XKR4: variants seen among roughly 807,000 people sequenced by gnomAD.
XKR4 encodes the protein XK related 4.
In XKR4, 12 loss-of-function variants were observed where a neutral mutation model predicts 53.9. The ratio of observed to expected loss-of-function variants is 0.22; its 90% CI spans 0.14 to 0.36. XKR4 has a LOEUF of 0.36. Ranked by LOEUF, XKR4 falls within the 10% of genes least tolerant of loss-of-function variation. The probability of loss-of-function intolerance (pLI) is 1.00; values close to 1 mark genes in which losing one functional copy is unlikely to be tolerated. For synonymous variants in XKR4, 354 were observed against 362.4 expected (o/e 0.98, Z 0.26); for missense variants, 799 against 859.5 (o/e 0.93, Z 0.88).
intron 1 of XKR4, among the ~76,000 whole-genome samples, chr8:55,134,568 G>A (rs1248812525): frequency 1.3e-5 from 2 of 152,146 alleles, no homozygotes; most frequent in East Asian, 1.9e-4. Context: ...ATTTTCCTGG[G>A]TGTCTCTTAC....
chr8:55,151,447 A>G (rs756216333), intron 1 of XKR4, among the ~76,000 whole-genome samples: 2 of 152,242 alleles, frequency 1.3e-5, no homozygotes, highest in African/African-American at 2.4e-5. Context: ...CATACATGAC[A>G]TGACTACAAA....
In XKR4 at chr8:55,534,960, C is replaced by G. The variant is rs1323010590; in HGVS notation, c.*10733C>G. On this transcript the variant is annotated 3_prime_UTR_variant, in exon 3 of 3. Transcript: ENST00000327381. ...AAAGAGTGGAAGTCATCAGATTTGT[C>G]AATAAGCAGTCTAGAGGAAAAATGA... 1 of 151,990 alleles carries G rather than the reference C, an allele frequency of 6.6e-6. No homozygotes were observed. Among genetic ancestry groups the G allele is most frequent in the Non-Finnish European group, 1.5e-5 (1 of 68,004 alleles). 9.4% of individuals were successfully genotyped at this position (151,990 alleles called of 1,614,324 possible).
At position 55,500,181 on chromosome 8, in the gene XKR4, C is replaced by CAA. The variant is rs36233927; in HGVS notation, c.1007-23077_1007-23076dup. 4.1e-3 allele frequency among the ~76,000 whole-genome samples: 470 copies of CAA among 115,392 alleles called. 2 individuals carry two copies. The highest frequency in any genetic ancestry group is 0.013 in the African/African-American group (327 of 25,102). The allele number at this position is 115,392 out of a possible 152,430, so 75.7% of individuals were successfully genotyped here. ...AAGCATCTGCTCCTTCAAATTGGGC[C>CAA]AAAAAAAAAAAAAAAAAAAAAAAAC... On this transcript the variant is annotated intron_variant, in intron 2 of 2. Coordinates refer to ENST00000327381, the MANE Select transcript of XKR4 (RefSeq NM_052898.2).
chr8:55,348,721 C>CACAG (rs1426209046), intron 1 of XKR4, among the ~76,000 whole-genome samples: 23 of 150,152 alleles, frequency 1.5e-4, no homozygotes, highest in Middle Eastern at 3.4e-3. Context: ...CACACACACA[C>CACAG]AGAGAGAGAG....
chr8:55,299,279 C>T (rs1819145429), intron 1 of XKR4, among the ~76,000 whole-genome samples: 1 of 152,220 alleles, frequency 6.6e-6, no homozygotes, highest in South Asian at 2.1e-4. Flanking sequence ...TTTCTGGCAG[C>T]CTGAGGAGCA....
intron 2 of XKR4, among the ~76,000 whole-genome samples, chr8:55,475,030 G>C (rs1361914534): frequency 1.3e-5 from 2 of 152,064 alleles, no homozygotes; most frequent in African/African-American, 4.8e-5. Context: ...ATACTGACAT[G>C]TTATACAACT....
intron 2 of XKR4, among the ~76,000 whole-genome samples, chr8:55,458,631 G>T (rs746749481): frequency 5.3e-5 from 8 of 152,188 alleles, no homozygotes; most frequent in Non-Finnish European, 1.0e-4. Context: ...GGGATGGGGA[G>T]CTGGAAAGGG....
At position 55,197,801 on chromosome 8, in the gene XKR4, C is replaced by T. The variant is rs556569313; in HGVS notation, c.806+94507C>T. Among the ~76,000 whole-genome samples the T allele has an allele frequency of 5.8e-4, 89 of 152,232 alleles. 1 individual carries two copies. Among genetic ancestry groups the T allele is most frequent in the African/African-American group, 1.7e-3 (69 of 41,552 alleles). ...CTCGTGATCCACCTGCCTCAGCCTC[C>T]GAAAGTGCTGGGATTACAGGCGTGA... is the stretch of plus-strand genomic sequence containing the variant. On this transcript the variant is annotated intron_variant, in intron 1 of 2. Coordinates refer to ENST00000327381, the MANE Select transcript of XKR4 (RefSeq NM_052898.2).
At chr8:55,333,115 T>C (rs534475433) in intron 1 of XKR4, among the ~76,000 whole-genome samples, 16 of 152,264 alleles carry the variant, frequency 1.1e-4, no homozygotes, top group African/African-American at 3.8e-4. Flanking sequence ...GTTGATACAT[T>C]GTTTTCCTGA....
At chr8:55,370,838 A>G (rs555003987) in intron 2 of XKR4, among the ~76,000 whole-genome samples, 2 of 152,192 alleles carry the variant, frequency 1.3e-5, no homozygotes, top group Admixed American at 1.3e-4. Flanking sequence ...TTCCCAACAC[A>G]GTGGAACCAC....
intron 1 of XKR4, among the ~76,000 whole-genome samples, chr8:55,205,488 C>G (rs1008365657): frequency 2.0e-5 from 3 of 152,050 alleles, no homozygotes; most frequent in Admixed American, 2.0e-4. Flanking sequence ...AAACCGGAAA[C>G]AGCAAATTCA....
chr8:55,245,372 C>CT (rs1776081264), intron 1 of XKR4, among the ~76,000 whole-genome samples: 1 of 151,918 alleles, frequency 6.6e-6, no homozygotes, highest in Non-Finnish European at 1.5e-5. Context: ...CATTCATATT[C>CT]TTTTTGTAGC....
chr8:55,513,826 A>G (rs2129404896), intron 2 of XKR4, among the ~76,000 whole-genome samples: 1 of 152,344 alleles, frequency 6.6e-6, no homozygotes, highest in Middle Eastern at 3.4e-3. Flanking sequence ...CCATGCATAT[A>G]GGAAAAAGTG....
chr8:55,490,422 A>G (rs1806254481), intron 2 of XKR4, among the ~76,000 whole-genome samples: 1 of 152,122 alleles, frequency 6.6e-6, no homozygotes, highest in Non-Finnish European at 1.5e-5. Flanking sequence ...GAGAGAGGGA[A>G]GGAGAGGGGC....
chr8:55,158,601 A>T (rs1209743740), intron 1 of XKR4, among the ~76,000 whole-genome samples: 1 of 152,168 alleles, frequency 6.6e-6, no homozygotes, highest in East Asian at 1.9e-4. Context: ...AGTGTTTTCT[A>T]GGTTATTTTA....
chr8:55,412,544 A>C (rs972275547), intron 2 of XKR4, among the ~76,000 whole-genome samples: 4 of 152,164 alleles, frequency 2.6e-5, no homozygotes, highest in Admixed American at 2.0e-4. Flanking sequence ...CTTGATGCAC[A>C]CTGCCCCTTC....
At chr8:55,111,076 A>G (rs1816224930) in intron 1 of XKR4, among the ~76,000 whole-genome samples, 2 of 152,166 alleles carry the variant, frequency 1.3e-5, no homozygotes, top group Non-Finnish European at 1.5e-5. Flanking sequence ...TTAAAGAGGC[A>G]TCTGTCCTTT....
intron 1 of XKR4, among the ~76,000 whole-genome samples, chr8:55,200,211 G>A (rs550642785): frequency 3.9e-5 from 6 of 152,248 alleles, no homozygotes; most frequent in African/African-American, 1.4e-4. Flanking sequence ...GGGATTACAG[G>A]CGCCCACCAC....
Position 55,328,066 on chromosome 8 carries a change from A to G in XKR4, c.807-29612A>G, listed in dbSNP as rs115072668. ...CATAATTTATAAAGAAAGAGGGGAA[A>G]TGCCAGATGCTTATAAAACCATCAG... On this transcript the variant is annotated intron_variant, in intron 1 of 2. Transcript: ENST00000327381. Among the ~76,000 whole-genome samples the G allele has an allele frequency of 6.2e-3, 944 of 152,308 alleles. 10 individuals are homozygous for G. The highest frequency in any genetic ancestry group is 0.021 in the African/African-American group (889 of 41,570).
Sources: gnomAD v4.1 joint callset for allele counts (sites outside exome capture counted in the v4.1 genomes callset) on GRCh38, gnomAD v4.1.1 for gene constraint, MANE v1.5 for transcripts, NCBI Gene and HGNC (gene_info 2026-07-23, HGNC 2026-07-21) for gene names.